CCDC178: variants seen among roughly 807,000 people sequenced by gnomAD.
CCDC178 encodes the protein coiled-coil domain-containing protein 178.
CCDC178 carries 126 observed loss-of-function variants against 117.4 expected under a neutral mutation model. The observed-to-expected ratio is 1.07, with a 90% CI of 0.93 to 1.24. CCDC178 has a LOEUF of 1.24. CCDC178 is among the 50% of genes most tolerant of loss of function. CCDC178 has a pLI of 0.00. For missense variants in CCDC178, 1,030 were observed against 986.9 expected, an observed-to-expected ratio of 1.04 and a Z score of -0.59; for synonymous variants, 283 against 313.4, an observed-to-expected ratio of 0.90 and a Z score of 1.02.
chr18:33,058,459 C>T (rs1443426239), intron 21 of CCDC178, among the ~76,000 whole-genome samples: 3 of 152,186 alleles, frequency 2.0e-5, no homozygotes, highest in African/African-American at 7.2e-5. Context: ...ACCTGCAGTA[C>T]AGGAGTCACC....
At chr18:33,310,247 C>T (rs572898359) in intron 11 of CCDC178, among the ~76,000 whole-genome samples, 24 of 152,178 alleles carry the variant, frequency 1.6e-4, no homozygotes, top group South Asian at 1.0e-3. Flanking sequence ...GTGTGCACCA[C>T]GCCTGGACAA....
At chr18:33,328,843 A>T (rs1332808341) in intron 10 of CCDC178, among the ~76,000 whole-genome samples, 1 of 152,102 alleles carries the variant, frequency 6.6e-6, no homozygotes, top group Non-Finnish European at 1.5e-5. Flanking sequence ...GCAAAAGATC[A>T]TTGAGCTTTT....
At chr18:33,151,045 G>A (rs2058336078) in intron 20 of CCDC178, among the ~76,000 whole-genome samples, 1 of 152,170 alleles carries the variant, frequency 6.6e-6, no homozygotes, top group African/African-American at 2.4e-5. Flanking sequence ...GTTAAGCTAT[G>A]AGGATGCAAA....
At chr18:33,435,445 G>T (rs2064275497) in intron 2 of CCDC178, among the ~76,000 whole-genome samples, 1 of 151,860 alleles carries the variant, frequency 6.6e-6, no homozygotes, top group Non-Finnish European at 1.5e-5. Context: ...ATGTTAATTT[G>T]TTCATTCAAA....
chr18:33,374,230 C>T (rs1225872911), intron 5 of CCDC178, among the ~76,000 whole-genome samples: 1 of 152,072 alleles, frequency 6.6e-6, no homozygotes, highest in Non-Finnish European at 1.5e-5. Context: ...GTGGGAGGCC[C>T]CTCTGACATA....
intron 2 of CCDC178, among the ~76,000 whole-genome samples, chr18:33,415,611 G>A (rs1366165700): frequency 6.6e-6 from 1 of 152,010 alleles, no homozygotes; most frequent in African/African-American, 2.4e-5. Context: ...ACGAGTTAAC[G>A]GGTGCAGCAC....
At chr18:33,335,832 G>A (rs2062732304) in intron 9 of CCDC178, among the ~76,000 whole-genome samples, 1 of 151,892 alleles carries the variant, frequency 6.6e-6, no homozygotes, top group Non-Finnish European at 1.5e-5. Context: ...GTAAAATTAT[G>A]TGGTCTGCTT....
intron 5 of CCDC178, among the ~76,000 whole-genome samples, chr18:33,382,067 G>T (rs760982389): frequency 6.6e-6 from 1 of 152,014 alleles, no homozygotes; most frequent in Non-Finnish European, 1.5e-5. Flanking sequence ...TCTTAAACTT[G>T]TATTCAAGAT....
chr18:32,943,690 A>T (rs185592075), intron 22 of CCDC178, among the ~76,000 whole-genome samples: 2 of 152,334 alleles, frequency 1.3e-5, no homozygotes, highest in African/African-American at 4.8e-5. Flanking sequence ...AACACTGAAT[A>T]TTCTATTCCA....
chr18:33,209,580 C>T (rs2059083442), intron 20 of CCDC178, among the ~76,000 whole-genome samples: 2 of 151,988 alleles, frequency 1.3e-5, no homozygotes, highest in Admixed American at 6.6e-5. Flanking sequence ...ACTTCCTAAA[C>T]AGGGATGAGA....
At position 33,179,965 on chromosome 18, in the gene CCDC178, C is replaced by T. The variant is rs76095340; in HGVS notation, c.2238+31931G>A. Among the ~76,000 whole-genome samples, 278 of 151,774 alleles carry T rather than the reference C, an allele frequency of 1.8e-3. 5 individuals are homozygous for T. In the East Asian group the frequency reaches 0.034, roughly 19 times the overall value. ...CAGGATATAAATGATAAATATATTACGCTGCAAATATCTGTTTTTTATAAC... is the reference window on the plus strand; with the variant it reads ...CAGGATATAAATGATAAATATATTATGCTGCAAATATCTGTTTTTTATAAC... On this transcript the variant is annotated intron_variant, in intron 20 of 22. Coordinates refer to ENST00000383096, the MANE Select transcript of CCDC178 (RefSeq NM_001105528.4).
At chr18:33,005,118 A>G (rs916943198) in intron 21 of CCDC178, among the ~76,000 whole-genome samples, 4 of 152,144 alleles carry the variant, frequency 2.6e-5, no homozygotes, top group African/African-American at 4.8e-5. Flanking sequence ...TGCTAGATAT[A>G]TACCCGAAAG....
chr18:33,332,303 G>T (rs982488456), intron 10 of CCDC178, among the ~76,000 whole-genome samples: 1 of 151,912 alleles, frequency 6.6e-6, no homozygotes, highest in African/African-American at 2.4e-5. Context: ...GGGGAACACA[G>T]GAGACATTTA....
intron 10 of CCDC178, among the ~76,000 whole-genome samples, chr18:33,330,613 T>C (rs974467040): frequency 1.3e-5 from 2 of 152,008 alleles, no homozygotes; most frequent in Non-Finnish European, 2.9e-5. Flanking sequence ...AAACAATCAA[T>C]AGGAGCGAGG....
chr18:33,386,327 A>G (rs536760451), intron 5 of CCDC178, among the ~76,000 whole-genome samples: 1 of 152,306 alleles, frequency 6.6e-6, no homozygotes, highest in South Asian at 2.1e-4. Context: ...AACAATTGAA[A>G]AGGAGGGACT....
intron 5 of CCDC178, among the ~76,000 whole-genome samples, chr18:33,387,921 G>A (rs2063517119): frequency 1.3e-5 from 2 of 152,072 alleles, no homozygotes; most frequent in African/African-American, 4.8e-5. Context: ...AGAGTGAACA[G>A]GCAACCTACA....
chr18:33,284,788 T>A (rs1208885746), intron 12 of CCDC178, among the ~76,000 whole-genome samples: 1 of 152,120 alleles, frequency 6.6e-6, no homozygotes, highest in Non-Finnish European at 1.5e-5. Flanking sequence ...GTGGGGCAGA[T>A]CCCGACTGGA....
At chr18:33,092,612 T>TA (rs2057483411) in intron 21 of CCDC178, 149 bp downstream of exon 21, 1 of 462,122 alleles carries the variant, frequency 2.2e-6, no homozygotes, top group Non-Finnish European at 3.9e-6. Context: ...AAAAGGTTGA[T>TA]ATAAATATAC....
At position 33,397,130 on chromosome 18, in the gene CCDC178, T is replaced by A. The variant is rs199965060; in HGVS notation, c.118+19A>T. 12 of 1,491,348 alleles carry A rather than the reference T, an allele frequency of 8.0e-6. No homozygotes were observed. Among genetic ancestry groups the A allele is most frequent in the Middle Eastern group, 1.7e-4 (1 of 5,748 alleles). 92.4% of individuals were successfully genotyped at this position (1,491,348 alleles called of 1,614,324 possible). ...ACAGAAAAAAGAGATGAAAATTATA[T>A]ATAATAGCTGTTGGATACCTTCATT... On this transcript the variant is annotated intron_variant, in intron 4 of 22. Coordinates refer to ENST00000383096, the MANE Select transcript of CCDC178 (RefSeq NM_001105528.4).
Sources: gnomAD v4.1 joint callset for allele counts (sites outside exome capture counted in the v4.1 genomes callset) on GRCh38, gnomAD v4.1.1 for gene constraint, MANE v1.5 for transcripts, NCBI Gene and HGNC (gene_info 2026-07-23, HGNC 2026-07-21) for gene names.